Variants in PPP2R2C observed in about 807,000 individuals in gnomAD.
PPP2R2C encodes protein phosphatase 2, regulatory subunit B, gamma.
In PPP2R2C, 10 loss-of-function variants were observed where a neutral mutation model predicts 45.3. That is an observed-to-expected ratio of 0.22 (90% CI 0.14 to 0.37). The LOEUF is 0.37. Ranked by LOEUF, PPP2R2C falls within the 10% of genes least tolerant of loss-of-function variation. PPP2R2C has a pLI of 1.00. For missense variants in PPP2R2C, 308 were observed against 619.7 expected (o/e 0.50, Z 5.34); for synonymous variants, 257 against 245.4 (o/e 1.05, Z -0.44).
chr4:6,413,319 A>G (rs1718310972), intron 1 of PPP2R2C, among the ~76,000 whole-genome samples: 1 of 152,160 alleles, frequency 6.6e-6, no homozygotes, highest in South Asian at 2.1e-4. Context: ...ACACATATTC[A>G]CACGATACAC....
At chr4:6,562,577 A>T (rs1249788574) in intron 1 of PPP2R2C, among the ~76,000 whole-genome samples, 1 of 151,822 alleles carries the variant, frequency 6.6e-6, no homozygotes, top group Admixed American at 6.6e-5. Flanking sequence ...ACCTTCCATC[A>T]CCCACCTCAC....
rs1560594036 is a variant in PPP2R2C at position 6,511,588 on chromosome 4, GT to G, written c.49+23682del. Among the ~76,000 whole-genome samples, 6 of 18,676 alleles carry G rather than the reference GT, an allele frequency of 3.2e-4. 2 individuals carry two copies. In the East Asian group the frequency reaches 0.021, roughly 65 times the overall value. 12.3% of individuals were successfully genotyped at this position (18,676 alleles called of 152,430 possible). ...GGTGGTGGTGATGGCGGTGGTGGTG[GT>G]GGTGGTGATGGGGGTGGTGGTGGTG... is the stretch of plus-strand genomic sequence containing the variant. On this transcript the variant is annotated intron_variant, in intron 2 of 9. Transcript: ENST00000506140.
chr4:6,484,975 A>G (rs2108781210), intron 2 of PPP2R2C, among the ~76,000 whole-genome samples: 1 of 151,930 alleles, frequency 6.6e-6, no homozygotes, highest in East Asian at 1.9e-4. Flanking sequence ...CTGAGAGTAG[A>G]CATTTTTGCC....
chr4:6,535,493 C>T (rs999653808), intron 1 of PPP2R2C: 25 of 681,072 alleles, frequency 3.7e-5, no homozygotes, highest in African/African-American at 7.4e-5. Flanking sequence ...GGCCGCCGCC[C>T]GGCACAGCTC....
Position 6,378,301 on chromosome 4 carries a change from C to A in PPP2R2C, c.334+106G>T. The A allele has an allele frequency of 6.4e-7, 1 of 1,569,278 alleles. No homozygotes were observed. Among genetic ancestry groups the A allele is most frequent in the Non-Finnish European group, 8.6e-7 (1 of 1,161,836 alleles). On this transcript the variant is annotated intron_variant, in intron 3 of 8. Coordinates refer to ENST00000382599, the MANE Select transcript of PPP2R2C (RefSeq NM_020416.4). The surrounding 1 kb of genome is among the most constrained non-coding windows in gnomAD (Gnocchi z 5.2). Reference sequence around the variant, plus strand: ...AAAAGGATATTATTTTCTAGGCGTTCTGAAGACATAGAAAAATGCTCACAA... The same window carrying A: ...AAAAGGATATTATTTTCTAGGCGTTATGAAGACATAGAAAAATGCTCACAA...
intron 1 of PPP2R2C, among the ~76,000 whole-genome samples, chr4:6,393,630 G>C (rs111359945): frequency 1.3e-5 from 2 of 152,212 alleles, no homozygotes; most frequent in African/African-American, 2.4e-5. Flanking sequence ...AGCGTGGAAG[G>C]CCACTGCCCC....
rs1360262527 is a variant in PPP2R2C, at chr4:6,563,175, C to T, written c.-59+385G>A. Among the ~76,000 whole-genome samples, 1 of 152,160 alleles carries T rather than the reference C, an allele frequency of 6.6e-6. No individual in the cohort carries two copies. The highest frequency in any genetic ancestry group is 1.5e-5 in the Non-Finnish European group (1 of 68,014). On this transcript the variant is annotated intron_variant, in intron 1 of 9. Coordinates refer to the PPP2R2C transcript ENST00000506140. This position sits in a 1 kb window ranked among gnomAD's most constrained non-coding sequence, Gnocchi z 5.8. The stretch of plus-strand genomic sequence containing the variant: ...GCAGCGAGGGGGGGCTCGAGCGCGC[C>T]GGTTCTCGGCCGAGACGCTGTGGCT...
chr4:6,424,171 T>C (rs1719145291), intron 1 of PPP2R2C, among the ~76,000 whole-genome samples: 2 of 152,144 alleles, frequency 1.3e-5, no homozygotes. Context: ...GAGCTCCAGC[T>C]CTGGAGAGGA....
chr4:6,436,739 C>T (rs1476902641), intron 1 of PPP2R2C, among the ~76,000 whole-genome samples: 1 of 152,232 alleles, frequency 6.6e-6, no homozygotes, highest in Non-Finnish European at 1.5e-5. Flanking sequence ...AACTACTCAA[C>T]CCTGCTGTTG....
rs1560594380 is a variant in PPP2R2C, at chr4:6,511,795, GTGATGGTGGTGTTGGTGGTGGTGA to G, written c.49+23452_49+23475del. On this transcript the variant is annotated intron_variant, in intron 2 of 9. Coordinates refer to the PPP2R2C transcript ENST00000506140. ...GATGGTGGTAATGGTGGTGGTGATG[GTGATGGTGGTGTTGGTGGTGGTGA>G]TGGTGGTGGTGGTGGTGATGGTGGT... Among the ~76,000 whole-genome samples the G allele has an allele frequency of 4.1e-4, 14 of 33,748 alleles. 2 individuals are homozygous for G. The highest frequency in any genetic ancestry group is 8.2e-4 in the Admixed American group (3 of 3,662). 22.1% of individuals were successfully genotyped at this position (33,748 alleles called of 152,430 possible).
At position 6,485,429 on chromosome 4, in the gene PPP2R2C, T is replaced by A. The variant is rs557210164; in HGVS notation, c.49+49842A>T. On this transcript the variant is annotated intron_variant, in intron 2 of 9. Coordinates refer to the PPP2R2C transcript ENST00000506140. ...AAGTGTTCTCAAGTTTTTGGAAGAG[T>A]TTATGTAGAATTAGTATTATTTCCT... Among the ~76,000 whole-genome samples, 16 of 151,882 alleles carry A rather than the reference T, an allele frequency of 1.1e-4. No homozygotes were observed. The East Asian group carries it at 3.1e-3, about 29-fold the overall frequency.
In PPP2R2C at chr4:6,333,841, T is replaced by G. The variant is rs550128113; in HGVS notation, c.791-110A>C. The G allele has an allele frequency of 6.9e-5, 80 of 1,164,560 alleles. 2 individuals are homozygous for G. In the South Asian group the frequency reaches 1.1e-3, roughly 16 times the overall value. The allele number at this position is 1,164,560 out of a possible 1,614,324, so 72.1% of individuals were successfully genotyped here. Reference sequence around the variant, plus strand: ...GGCCCATGCTCTGTTTATTCAGTCATTCATTCATTCCTCAAACCTAGAACT... The same window carrying G: ...GGCCCATGCTCTGTTTATTCAGTCAGTCATTCATTCCTCAAACCTAGAACT... On this transcript the variant is annotated intron_variant, in intron 6 of 8. Transcript: ENST00000382599.
At chr4:6,489,921 AAAAT>A (rs2108784737) in intron 2 of PPP2R2C, among the ~76,000 whole-genome samples, 1 of 152,380 alleles carries the variant, frequency 6.6e-6, no homozygotes, top group African/African-American at 2.4e-5. Flanking sequence ...GGATTCAAGA[AAAAT>A]AAATGGGCAT....
chr4:6,371,838 T>C (rs1236546117), intron 5 of PPP2R2C, among the ~76,000 whole-genome samples: 3 of 152,172 alleles, frequency 2.0e-5, no homozygotes, highest in South Asian at 4.1e-4. Flanking sequence ...TAATTATTAT[T>C]ATCATTGGTT....
At position 6,351,862 on chromosome 4, in the gene PPP2R2C, G is replaced by T. The variant is rs560315772; in HGVS notation, c.626-3852C>A. ...CCATGGTCACCTGGTCCGTGCGACC[G>T]CCTCTCCAAGACCTTGGCTCAGGTG... On this transcript the variant is annotated intron_variant, in intron 5 of 8. Coordinates refer to ENST00000382599, the MANE Select transcript of PPP2R2C (RefSeq NM_020416.4). Among the ~76,000 whole-genome samples the T allele has an allele frequency of 3.3e-5, 5 of 152,272 alleles. No individual in the cohort carries two copies. The East Asian group carries it at 7.8e-4, about 24-fold the overall frequency.
upstream of PPP2R2C, among the ~76,000 whole-genome samples, chr4:6,563,752 G>C (rs1231287071): frequency 6.9e-6 from 1 of 145,178 alleles, no homozygotes; most frequent in Non-Finnish European, 1.5e-5. This position sits in a 1 kb window ranked among gnomAD's most constrained non-coding sequence, Gnocchi z 5.8. Context: ...CTGGGCCATG[G>C]GCGGCTCCGC....
At chr4:6,504,375 C>G (rs180839626) in intron 2 of PPP2R2C, among the ~76,000 whole-genome samples, 1 of 152,018 alleles carries the variant, frequency 6.6e-6, no homozygotes, top group Non-Finnish European at 1.5e-5. Flanking sequence ...ATAATAGAAC[C>G]CAGAGTGTCT....
chr4:6,559,792 C>T (rs368201458), intron 1 of PPP2R2C, among the ~76,000 whole-genome samples: 11 of 152,184 alleles, frequency 7.2e-5, no homozygotes, highest in Admixed American at 2.0e-4. Context: ...ACACTGAATC[C>T]GCCACGCCTT....
At chr4:6,382,160 T>G (rs1715845489) in intron 1 of PPP2R2C, 1 of 1,200,004 alleles carries the variant, frequency 8.3e-7, no homozygotes, top group East Asian at 5.6e-5. Flanking sequence ...AATCCACATT[T>G]CCAGTATGTC....
Sources: allele counts gnomAD v4.1 joint callset (sites outside exome capture counted in the v4.1 genomes callset), GRCh38; gene constraint gnomAD v4.1.1; non-coding constraint Gnocchi (gnomAD v3.1); transcripts MANE v1.5; gene names NCBI Gene and HGNC (gene_info 2026-07-23, HGNC 2026-07-21).